The following MAP4K3 variants were observed in gnomAD, a reference collection of about 807,000 sequenced individuals.
The protein encoded by MAP4K3 is mitogen-activated protein kinase kinase kinase kinase 3, also known as MAPK/ERK kinase kinase kinase 3.
MAP4K3 carries 94 observed loss-of-function variants against 143.5 expected under a neutral mutation model. That is an observed-to-expected ratio of 0.65 (90% CI 0.55 to 0.78). MAP4K3 has a LOEUF of 0.78. MAP4K3 is among the 30% of genes least tolerant of loss of function. MAP4K3 has a pLI of 0.00. For missense variants in MAP4K3, 1,077 were observed against 1,068.1 expected (o/e 1.01, Z -0.12); for synonymous variants, 416 against 347.2 (o/e 1.20, Z -2.20).
At chr2:39,325,696 AAT>A (rs145349830) in intron 11 of MAP4K3, 32 bp downstream of exon 11, 850 of 1,523,006 alleles carry the variant, frequency 5.6e-4, no homozygotes, top group South Asian at 6.4e-4. Flanking sequence ...TATCTTTTGA[AAT>A]ATATATATAT....
intron 8 of MAP4K3, among the ~76,000 whole-genome samples, chr2:39,330,590 G>C (rs986572640): frequency 1.3e-5 from 2 of 152,034 alleles, no homozygotes; most frequent in Non-Finnish European, 1.5e-5. Flanking sequence ...AACAGTCCAG[G>C]CTGGAACAGG....
intron 1 of MAP4K3, among the ~76,000 whole-genome samples, chr2:39,420,926 T>G (rs1359505402): frequency 2.6e-5 from 4 of 152,152 alleles, no homozygotes; most frequent in Non-Finnish European, 4.4e-5. Context: ...CTGTCCAAAA[T>G]CTAACTCCAC....
chr2:39,340,751 A>C (rs1298075968), intron 4 of MAP4K3, among the ~76,000 whole-genome samples: 2 of 152,216 alleles, frequency 1.3e-5, no homozygotes, highest in African/African-American at 4.8e-5. Context: ...ACAAAGGAAA[A>C]AATAATGGAG....
At chr2:39,317,495 AT>A (rs1220497787) in intron 12 of MAP4K3, among the ~76,000 whole-genome samples, 1 of 151,988 alleles carries the variant, frequency 6.6e-6, no homozygotes, top group East Asian at 1.9e-4. Flanking sequence ...ATAGGAGAAA[AT>A]TTTTGCCAAC....
At chr2:39,387,117 G>C (rs1220687287) in intron 1 of MAP4K3, among the ~76,000 whole-genome samples, 1 of 151,998 alleles carries the variant, frequency 6.6e-6, no homozygotes, top group African/African-American at 2.4e-5. Context: ...ACGCCCGGCC[G>C]ATTATTGTAG....
intron 7 of MAP4K3, 52 bp downstream of exon 7, chr2:39,333,480 T>C (rs1683747326): frequency 3.6e-6 from 5 of 1,380,308 alleles, no homozygotes; most frequent in Non-Finnish European, 5.1e-6. Flanking sequence ...ACATAAACTT[T>C]ACTATATCTT....
intron 16 of MAP4K3, among the ~76,000 whole-genome samples, chr2:39,297,345 T>C (rs1352516595): frequency 2.0e-5 from 3 of 152,190 alleles, no homozygotes; most frequent in Non-Finnish European, 2.9e-5. Context: ...CTCGATCTCC[T>C]GACCTCAGGT....
intron 27 of MAP4K3, 72 bp from the exon 28 acceptor site, chr2:39,265,378 AAAAC>A (rs748278662): frequency 6.6e-6 from 6 of 911,592 alleles, no homozygotes; most frequent in East Asian, 2.4e-5. Context: ...CATGCTCAAA[AAAAC>A]AAACAAAACT....
chr2:39,323,030 A>T (rs866916180), intron 12 of MAP4K3, among the ~76,000 whole-genome samples: 1 of 152,164 alleles, frequency 6.6e-6, no homozygotes, highest in Non-Finnish European at 1.5e-5. Context: ...AAATTCTTAG[A>T]TACATTCGTA....
At chr2:39,427,862 A>G (rs1486514262) in intron 1 of MAP4K3, among the ~76,000 whole-genome samples, 1 of 152,166 alleles carries the variant, frequency 6.6e-6, no homozygotes, top group Non-Finnish European at 1.5e-5. Context: ...TATATATGTG[A>G]AACATTATCT....
intron 13 of MAP4K3, among the ~76,000 whole-genome samples, chr2:39,313,515 TTCTC>T (rs1003381861): frequency 2.4e-4 from 37 of 151,362 alleles, no homozygotes; most frequent in Admixed American, 5.9e-4. Flanking sequence ...TCTCTCTCTC[TTCTC>T]TCTCTCTCTT....
At chr2:39,309,381 TG>T in intron 14 of MAP4K3, 79 bp downstream of exon 14, 1 of 987,942 alleles carries the variant, frequency 1.0e-6, no homozygotes, top group Non-Finnish European at 1.5e-6. Flanking sequence ...CTAGCTTTTT[TG>T]GTCAGTACTA....
At chr2:39,374,989 T>C (rs1366325674) in intron 2 of MAP4K3, among the ~76,000 whole-genome samples, 2 of 152,132 alleles carry the variant, frequency 1.3e-5, no homozygotes, top group South Asian at 4.1e-4. Context: ...AGGCCAGACA[T>C]AGTGGCTCAT....
At chr2:39,310,349 A>G (rs1397101342) in intron 13 of MAP4K3, among the ~76,000 whole-genome samples, 1 of 152,186 alleles carries the variant, frequency 6.6e-6, no homozygotes, top group Non-Finnish European at 1.5e-5. Flanking sequence ...GACATGAGAC[A>G]TTTGTCTTTC....
chr2:39,292,708 C>T (rs750632576), intron 18 of MAP4K3, 65 bp downstream of exon 18: 33 of 1,277,488 alleles, frequency 2.6e-5, no homozygotes, highest in Non-Finnish European at 3.8e-5. Flanking sequence ...TATTAAGCTG[C>T]CAGATTGATG....
At chr2:39,268,635 T>A (rs13009524) in intron 26 of MAP4K3, among the ~76,000 whole-genome samples, 7 of 40,380 alleles carry the variant, frequency 1.7e-4, no homozygotes, top group African/African-American at 4.5e-4. Context: ...ATTTTTTCTA[T>A]TTTTTTTTTT....
chr2:39,299,902 G>T, intron 15 of MAP4K3, 101 bp from the exon 16 acceptor site: 1 of 436,252 alleles, frequency 2.3e-6, no homozygotes, highest in Non-Finnish European at 4.0e-6. Flanking sequence ...ATAAGTCCCA[G>T]ACCCCCAAAT....
chr2:39,394,775 G>C (rs1666759682), intron 1 of MAP4K3, among the ~76,000 whole-genome samples: 1 of 152,104 alleles, frequency 6.6e-6, no homozygotes, highest in South Asian at 2.1e-4. Flanking sequence ...TGATGCCAAG[G>C]ATACGACTAA....
At chr2:39,399,581 T>A (rs1210927909) in intron 1 of MAP4K3, among the ~76,000 whole-genome samples, 3 of 152,196 alleles carry the variant, frequency 2.0e-5, no homozygotes, top group African/African-American at 7.2e-5. Context: ...TGAGTACAGC[T>A]GATTTTCAAG....
Sources: allele counts gnomAD v4.1 joint callset (sites outside exome capture counted in the v4.1 genomes callset), GRCh38; gene constraint gnomAD v4.1.1; transcripts MANE v1.5; gene names NCBI Gene and HGNC (gene_info 2026-07-23, HGNC 2026-07-21).